Variants in ACBD6 observed in about 807,000 individuals in gnomAD.
ACBD6 encodes acyl-CoA-binding domain-containing protein 6.
A neutral mutation model predicts 37.2 loss-of-function variants in ACBD6; 28 were observed. The ratio of observed to expected loss-of-function variants is 0.75; its 90% CI spans 0.56 to 1.03. ACBD6 has a LOEUF of 1.03. Ranked by LOEUF, ACBD6 falls within the 50% of genes least tolerant of loss-of-function variation. The pLI, the probability that ACBD6 is intolerant of heterozygous loss-of-function variation, is 0.00. For synonymous variants in ACBD6, 113 were observed against 126.8 expected (o/e 0.89, Z 0.73); for missense variants, 340 against 337.4 (o/e 1.01, Z -0.06).
chr1:180,481,112 A>C (rs1306593426), intron 3 of ACBD6, among the ~76,000 whole-genome samples: 2 of 152,176 alleles, frequency 1.3e-5, no homozygotes, highest in Non-Finnish European at 2.9e-5. Context: ...GCTGGAGCTA[A>C]CATCCAATTC....
intron 3 of ACBD6, chr1:180,435,415 A>ATT (rs57053936): frequency 7.2e-4 from 212 of 294,446 alleles, no homozygotes; most frequent in East Asian, 1.5e-3. Context: ...CGCCTGGCTA[A>ATT]TTTTTTTTTT....
chr1:180,299,028 T>C (rs79243309), intron 7 of ACBD6, among the ~76,000 whole-genome samples: 3,129 of 151,600 alleles, frequency 0.021, 90 homozygotes, highest in African/African-American at 0.064. Context: ...CAACAAATAG[T>C]TGTTGAAAAA....
At chr1:180,434,087 T>C (rs1338528505) in intron 3 of ACBD6, among the ~76,000 whole-genome samples, 1 of 152,100 alleles carries the variant, frequency 6.6e-6, no homozygotes, top group Non-Finnish European at 1.5e-5. Context: ...CAGCTAAGGT[T>C]TCTCCAAAGA....
intron 6 of ACBD6, among the ~76,000 whole-genome samples, chr1:180,368,182 T>C (rs896757397): frequency 5.3e-5 from 8 of 152,234 alleles, no homozygotes; most frequent in Admixed American, 2.6e-4. Context: ...GCTTCATGTA[T>C]GTCTTCTTTT....
intron 6 of ACBD6, among the ~76,000 whole-genome samples, chr1:180,391,810 T>A (rs2101942815): frequency 6.6e-6 from 1 of 152,110 alleles, no homozygotes; most frequent in East Asian, 1.9e-4. Flanking sequence ...GGTATACACC[T>A]AAGAGGAATG....
chr1:180,283,402 G>A (rs1408964553), downstream of ACBD6, among the ~76,000 whole-genome samples: 1 of 152,100 alleles, frequency 6.6e-6, no homozygotes, highest in Non-Finnish European at 1.5e-5. Context: ...AACCCACCCT[G>A]AGTGCCTAGA....
rs74132849 is a variant in ACBD6, at chr1:180,437,153, G to A, written c.385-6891C>T. ...CTTTTTTCCCTCGACATCTTCATCT[G>A]TATCCTTTGTAACATCCTTTATAAT... On this transcript the variant is annotated intron_variant, in intron 3 of 7. Transcript: ENST00000367595. 5.9e-3 allele frequency among the ~76,000 whole-genome samples: 893 copies of A among 152,240 alleles called. 8 individuals carry two copies. Among genetic ancestry groups the A allele is most frequent in the African/African-American group, 0.02 (835 of 41,534 alleles).
At chr1:180,395,655 G>T (rs998448430) in intron 6 of ACBD6, among the ~76,000 whole-genome samples, 2 of 152,134 alleles carry the variant, frequency 1.3e-5, no homozygotes, top group Non-Finnish European at 2.9e-5. Context: ...AAAACAACAA[G>T]TGTGGACAAG....
At chr1:180,471,762 A>G (rs1650578919) in intron 3 of ACBD6, among the ~76,000 whole-genome samples, 1 of 152,160 alleles carries the variant, frequency 6.6e-6, no homozygotes, top group Admixed American at 6.5e-5. Flanking sequence ...ATTCAAATTA[A>G]GATTTGGGTG....
intron 7 of ACBD6, among the ~76,000 whole-genome samples, chr1:180,297,102 T>A (rs140670399): frequency 2.6e-5 from 4 of 152,090 alleles, no homozygotes; most frequent in African/African-American, 9.7e-5. Context: ...TTAGCAGTGA[T>A]ATTTCTTCTT....
At chr1:180,479,049 C>T (rs1650917316) in intron 3 of ACBD6, among the ~76,000 whole-genome samples, 1 of 152,208 alleles carries the variant, frequency 6.6e-6, no homozygotes, top group African/African-American at 2.4e-5. Context: ...GGGAAGATCA[C>T]TTGAGCCCAG....
intron 6 of ACBD6, among the ~76,000 whole-genome samples, chr1:180,375,848 TAA>T (rs57921592): frequency 0.042 from 6,430 of 152,072 alleles, 431 homozygotes; most frequent in African/African-American, 0.14. Flanking sequence ...TATATAAAAA[TAA>T]AAAGTTCTTG....
chr1:180,454,209 G>A (rs1040583110), intron 3 of ACBD6, among the ~76,000 whole-genome samples: 5 of 152,122 alleles, frequency 3.3e-5, no homozygotes, highest in African/African-American at 7.2e-5. Context: ...AGACGCCTCA[G>A]AAATAACACC....
intron 1 of ACBD6, among the ~76,000 whole-genome samples, chr1:180,500,505 G>A (rs929788932): frequency 2.0e-5 from 3 of 151,176 alleles, no homozygotes; most frequent in African/African-American, 4.9e-5. Flanking sequence ...CCAGCCTGGC[G>A]AACATGATGA....
intron 8 of ACBD6, among the ~76,000 whole-genome samples, chr1:180,282,699 A>G (rs1257433425): frequency 6.6e-6 from 1 of 152,230 alleles, no homozygotes; most frequent in Non-Finnish European, 1.5e-5. Context: ...CTGGAGGAAT[A>G]CAATAACTAA....
At chr1:180,493,399 C>T (rs1327859398) in intron 2 of ACBD6, among the ~76,000 whole-genome samples, 2 of 151,970 alleles carry the variant, frequency 1.3e-5, no homozygotes, top group South Asian at 4.1e-4. Context: ...GCCCCCACAA[C>T]AGGCTGCCAG....
At chr1:180,309,791 G>C (rs1027669129) in intron 7 of ACBD6, among the ~76,000 whole-genome samples, 1 of 152,256 alleles carries the variant, frequency 6.6e-6, no homozygotes, top group Non-Finnish European at 1.5e-5. Flanking sequence ...TGACTCTCCG[G>C]TTATTTGACT....
chr1:180,313,858 T>C (rs536723342), intron 7 of ACBD6, among the ~76,000 whole-genome samples: 2 of 152,308 alleles, frequency 1.3e-5, no homozygotes, highest in Non-Finnish European at 1.5e-5. Context: ...TCATATTTAC[T>C]AGGACTTTAC....
chr1:180,313,707 C>CT (rs558549478), intron 7 of ACBD6, among the ~76,000 whole-genome samples: 194 of 152,208 alleles, frequency 1.3e-3, no homozygotes, highest in African/African-American at 4.5e-3. Context: ...CAAATAGAAT[C>CT]TTTTTTCTTT....
Sources: gnomAD v4.1 joint callset for allele counts (sites outside exome capture counted in the v4.1 genomes callset) on GRCh38, gnomAD v4.1.1 for gene constraint, MANE v1.5 for transcripts, NCBI Gene and HGNC (gene_info 2026-07-23, HGNC 2026-07-21) for gene names.